Variants in PRIMA1 observed in about 807,000 individuals in gnomAD.
PRIMA1 encodes proline-rich membrane anchor 1.
PRIMA1 carries 7 observed loss-of-function variants against 17.5 expected under a neutral mutation model. That is an observed-to-expected ratio of 0.40 (90% CI 0.23 to 0.75). The LOEUF is 0.75. Among genes scored for constraint, PRIMA1 ranks in the 30% least tolerant of loss-of-function variants. The pLI, the probability that PRIMA1 is intolerant of heterozygous loss-of-function variation, is 0.37. For missense variants in PRIMA1, 200 were observed against 201.8 expected (o/e 0.99, Z 0.05); for synonymous variants, 97 against 77.9 (o/e 1.25, Z -1.29).
intron 2 of PRIMA1, among the ~76,000 whole-genome samples, chr14:93,780,758 C>T (rs1204148386): frequency 6.6e-6 from 1 of 152,202 alleles, no homozygotes; most frequent in Non-Finnish European, 1.5e-5. Flanking sequence ...GACTGACTGC[C>T]AGTGTCCCTC....
intron 2 of PRIMA1, among the ~76,000 whole-genome samples, chr14:93,784,358 T>C (rs1171274945): frequency 3.9e-5 from 6 of 152,116 alleles, no homozygotes; most frequent in Non-Finnish European, 7.4e-5. Flanking sequence ...TTTTGAGACA[T>C]GGTTTTGCTG....
At chr14:93,747,545 A>T (rs1370015728) in intron 3 of PRIMA1, among the ~76,000 whole-genome samples, 1 of 151,582 alleles carries the variant, frequency 6.6e-6, no homozygotes, top group East Asian at 1.9e-4. Flanking sequence ...GGAGTGTGTG[A>T]GTGTGTGAGA....
At chr14:93,756,818 C>A (rs1487830915) in intron 3 of PRIMA1, among the ~76,000 whole-genome samples, 1 of 152,132 alleles carries the variant, frequency 6.6e-6, no homozygotes. Context: ...GAACCCGGGT[C>A]TTTCGGACAA....
At chr14:93,752,278 C>T (rs918980643) in intron 3 of PRIMA1, among the ~76,000 whole-genome samples, 36 of 152,096 alleles carry the variant, frequency 2.4e-4, no homozygotes, top group African/African-American at 8.0e-4. Flanking sequence ...CTGAGGGTTC[C>T]GAAGGTCAAA....
At chr14:93,753,778 T>C (rs1260245920) in intron 3 of PRIMA1, among the ~76,000 whole-genome samples, 1 of 152,104 alleles carries the variant, frequency 6.6e-6, no homozygotes, top group African/African-American at 2.4e-5. Context: ...AAGGTGTAGG[T>C]GAGCAGGGCA....
rs993634642 is a variant in PRIMA1, at chr14:93,726,635, C to A, written c.360-5089G>T. Among the ~76,000 whole-genome samples, 2 of 152,052 alleles carry A rather than the reference C, an allele frequency of 1.3e-5. No homozygotes were observed. Among genetic ancestry groups the A allele is most frequent in the Non-Finnish European group, 2.9e-5 (2 of 68,008 alleles). On this transcript the variant is annotated intron_variant, in intron 4 of 4. Transcript: ENST00000393140. The surrounding 1 kb of genome is among the most constrained non-coding windows in gnomAD (Gnocchi z 4.2). ...TAATATACACATAGACACATGTACA[C>A]ATGCACAAATCCACACACACATACA...
chr14:93,780,798 C>G (rs1385154526), intron 2 of PRIMA1, among the ~76,000 whole-genome samples: 5 of 152,230 alleles, frequency 3.3e-5, no homozygotes, highest in African/African-American at 4.8e-5. Flanking sequence ...ATCCAAGAGT[C>G]TGGTGTTTCA....
intron 3 of PRIMA1, among the ~76,000 whole-genome samples, chr14:93,764,033 C>T (rs1231456895): frequency 1.3e-5 from 2 of 152,076 alleles, no homozygotes; most frequent in Non-Finnish European, 2.9e-5. Flanking sequence ...TGGCACCCAG[C>T]AGTCCTCCTC....
intron 4 of PRIMA1, among the ~76,000 whole-genome samples, chr14:93,722,735 G>T (rs1453309468): frequency 6.6e-6 from 1 of 152,060 alleles, no homozygotes; most frequent in Non-Finnish European, 1.5e-5. Flanking sequence ...GTGATGGTTG[G>T]GTTAACAGTG....
chr14:93,718,627 T>C lies in PRIMA1; in HGVS notation c.*2817A>G, dbSNP rs184962002. 8 of 39,034 alleles carry C rather than the reference T, an allele frequency of 2.0e-4. No individual in the cohort carries two copies. The highest frequency in any genetic ancestry group is 4.8e-4 in the Non-Finnish European group (7 of 14,558). The allele number at this position is 39,034 out of a possible 1,614,324, so 2.4% of individuals were successfully genotyped here. A position where few individuals can be genotyped will look rare whatever the true frequency, so the allele number is the denominator to read the frequency against. ...TGTACAGATGCAGAGAGTACAGTAG[T>C]TGTATTTATATATATATATATATGT... On this transcript the variant is annotated 3_prime_UTR_variant, in exon 5 of 5. Coordinates refer to ENST00000393140, the MANE Select transcript of PRIMA1 (RefSeq NM_178013.4).
intron 3 of PRIMA1, among the ~76,000 whole-genome samples, chr14:93,767,549 T>C (rs1245387135): frequency 1.3e-5 from 2 of 152,234 alleles, no homozygotes; most frequent in African/African-American, 4.8e-5. Flanking sequence ...GTCAACTCAC[T>C]GTTCCTGCAT....
Position 93,721,380 on chromosome 14 carries a change from C to T in PRIMA1, c.*64G>A, listed in dbSNP as rs2076036671. The T allele has an allele frequency of 1.8e-6, 2 of 1,081,698 alleles. No individual in the cohort carries two copies. The highest frequency in any genetic ancestry group is 2.8e-6 in the Non-Finnish European group (2 of 706,604). The allele number at this position is 1,081,698 out of a possible 1,614,324, so 67.0% of individuals were successfully genotyped here. On this transcript the variant is annotated 3_prime_UTR_variant, in exon 5 of 5. Coordinates refer to ENST00000393140, the MANE Select transcript of PRIMA1 (RefSeq NM_178013.4). ...CTCAGGGTTAGCTCATGTCCACCTG[C>T]TTTCCCATGTCCACCAGTGCCACCA...
In PRIMA1 at chr14:93,783,875, T is replaced by G. The variant is rs111473648; in HGVS notation, c.93+3751A>C. ...TCTTCTCCAACCACCATCCTACTCC[T>G]GGCCAATCAGTGTCCTACCACCATC... On this transcript the variant is annotated intron_variant, in intron 2 of 4. Transcript: ENST00000393140. 3.2e-3 allele frequency among the ~76,000 whole-genome samples: 492 copies of G among 152,092 alleles called. 2 individuals are homozygous for G. Among genetic ancestry groups the G allele is most frequent in the African/African-American group, 0.011 (444 of 41,526 alleles).
intron 2 of PRIMA1, among the ~76,000 whole-genome samples, chr14:93,784,310 C>G (rs1250598250): frequency 1.3e-5 from 2 of 152,230 alleles, no homozygotes; most frequent in African/African-American, 4.8e-5. Context: ...CTGCATCCAT[C>G]CTTCATGCAG....
At chr14:93,778,370 A>G (rs1312387770) in intron 3 of PRIMA1, among the ~76,000 whole-genome samples, 1 of 152,240 alleles carries the variant, frequency 6.6e-6, no homozygotes, top group South Asian at 2.1e-4. Context: ...AGAACATTGC[A>G]TCACTGACTG....
chr14:93,776,400 C>G lies in PRIMA1; in HGVS notation c.229+2776G>C, dbSNP rs1427592087. Among the ~76,000 whole-genome samples, 6 of 152,310 alleles carry G rather than the reference C, an allele frequency of 3.9e-5. No individual in the cohort carries two copies. In the East Asian group the frequency reaches 1.2e-3, roughly 29 times the overall value. On this transcript the variant is annotated intron_variant, in intron 3 of 4. Transcript: ENST00000393140. The stretch of plus-strand genomic sequence containing the variant: ...TCCCAAAACTCAACATGAGTTCTCT[C>G]TGTACTCAACCAAGCACTCTCCTCT...
intron 3 of PRIMA1, among the ~76,000 whole-genome samples, chr14:93,748,960 C>T (rs2076244058): frequency 6.6e-6 from 1 of 151,978 alleles, no homozygotes; most frequent in African/African-American, 2.4e-5. Flanking sequence ...GGGCAGGAGC[C>T]GGGAACAGCA....
At chr14:93,769,543 C>T (rs530160135) in intron 3 of PRIMA1, among the ~76,000 whole-genome samples, 1 of 152,342 alleles carries the variant, frequency 6.6e-6, no homozygotes, top group East Asian at 1.9e-4. Context: ...GTGTTTGATG[C>T]CCACAGTCCC....
intron 3 of PRIMA1, among the ~76,000 whole-genome samples, chr14:93,757,388 C>T (rs2076298328): frequency 1.3e-5 from 2 of 152,282 alleles, no homozygotes; most frequent in South Asian, 4.1e-4. Context: ...ATGGACACGT[C>T]AGAGCCGGCT....
Sources: gnomAD v4.1 joint callset for allele counts (sites outside exome capture counted in the v4.1 genomes callset) on GRCh38, gnomAD v4.1.1 for gene constraint, Gnocchi (gnomAD v3.1) non-coding constraint, MANE v1.5 for transcripts, NCBI Gene and HGNC (gene_info 2026-07-23, HGNC 2026-07-21) for gene names.